The following KCNH5 variants were observed in gnomAD, a reference collection of about 807,000 sequenced individuals.
KCNH5 encodes the protein voltage-gated delayed rectifier potassium channel KCNH5.
KCNH5 carries 46 observed loss-of-function variants against 96.1 expected under a neutral mutation model. That is an observed-to-expected ratio of 0.48 (90% CI 0.38 to 0.61). The LOEUF is 0.61. KCNH5 is among the 20% of genes least tolerant of loss of function. The probability of loss-of-function intolerance (pLI) is 0.00; values close to 1 mark genes in which losing one functional copy is unlikely to be tolerated. For missense variants in KCNH5, 907 were observed against 1,225.8 expected, an observed-to-expected ratio of 0.74 and a Z score of 3.88; for synonymous variants, 439 against 449.8, an observed-to-expected ratio of 0.98 and a Z score of 0.30.
intron 10 of KCNH5, among the ~76,000 whole-genome samples, chr14:62,761,013 C>A (rs1885735190): frequency 6.6e-6 from 1 of 152,054 alleles, no homozygotes; most frequent in Non-Finnish European, 1.5e-5. Flanking sequence ...CCTGAATTCA[C>A]CATAAACACC....
chr14:62,890,698 CAAAAAAAAAA>C (rs1277209731), intron 7 of KCNH5, among the ~76,000 whole-genome samples: 8 of 55,898 alleles, frequency 1.4e-4, no homozygotes, highest in South Asian at 6.9e-4. Flanking sequence ...GACTCCGTCT[CAAAAAAAAAA>C]AAAAAAAAAA....
chr14:62,856,051 T>A (rs1343105315), intron 7 of KCNH5, among the ~76,000 whole-genome samples: 1 of 152,242 alleles, frequency 6.6e-6, no homozygotes, highest in Non-Finnish European at 1.5e-5. Context: ...TTTTATAGTT[T>A]ATAAAAATTC....
chr14:62,714,182 G>A (rs1188685159), intron 10 of KCNH5, among the ~76,000 whole-genome samples: 10 of 151,978 alleles, frequency 6.6e-5, no homozygotes, highest in Admixed American at 4.6e-4. Flanking sequence ...CTAGCTACTT[G>A]GGAGGCTGAG....
At chr14:62,743,627 C>T (rs10047855) in intron 10 of KCNH5, among the ~76,000 whole-genome samples, 55,943 of 151,924 alleles carry the variant, frequency 0.37, 10,388 homozygotes, top group South Asian at 0.53. Flanking sequence ...AGGTAAAGGT[C>T]AGAAATCTGC....
Position 62,770,056 on chromosome 14 carries a change from C to T in KCNH5, c.2019+9672G>A, listed in dbSNP as rs563225174. Reference sequence around the variant, plus strand: ...AGAATTGATGGATTCGTGGAACAAACGGGCTCTACTATTTTGTTTAGCTAA... The same window carrying T: ...AGAATTGATGGATTCGTGGAACAAATGGGCTCTACTATTTTGTTTAGCTAA... On this transcript the variant is annotated intron_variant, in intron 10 of 10. Coordinates refer to ENST00000322893, the MANE Select transcript of KCNH5 (RefSeq NM_139318.5). Among the ~76,000 whole-genome samples the T allele has an allele frequency of 2.0e-5, 3 of 152,214 alleles. No homozygotes were observed. In the South Asian group the frequency reaches 6.2e-4, roughly 32 times the overall value.
intron 10 of KCNH5, among the ~76,000 whole-genome samples, chr14:62,764,686 C>T (rs1030749896): frequency 3.3e-5 from 5 of 152,028 alleles, no homozygotes; most frequent in Admixed American, 6.6e-5. Flanking sequence ...GATACAGAAT[C>T]GATATAAAAA....
chr14:62,935,030 G>C (rs1889652142), intron 7 of KCNH5, among the ~76,000 whole-genome samples: 1 of 152,154 alleles, frequency 6.6e-6, no homozygotes, highest in Admixed American at 6.6e-5. Context: ...GGCCAGTACA[G>C]CCATAGCACA....
At chr14:62,799,126 A>C (rs577335353) in intron 9 of KCNH5, among the ~76,000 whole-genome samples, 2 of 152,170 alleles carry the variant, frequency 1.3e-5, no homozygotes, top group African/African-American at 2.4e-5. Flanking sequence ...GACAACTAAG[A>C]CATAACAATC....
At chr14:62,936,910 G>A (rs1346449935) in intron 7 of KCNH5, among the ~76,000 whole-genome samples, 1 of 150,206 alleles carries the variant, frequency 6.7e-6, no homozygotes, top group Non-Finnish European at 1.5e-5. Context: ...GAACCCAGGA[G>A]GCAGAGGTTG....
At chr14:62,829,894 C>T (rs1184922721) in intron 8 of KCNH5, among the ~76,000 whole-genome samples, 1 of 152,208 alleles carries the variant, frequency 6.6e-6, no homozygotes, top group Admixed American at 6.5e-5. Flanking sequence ...CTCTGCTTCA[C>T]TTTTAAACAT....
chr14:63,018,790 A>G (rs1891374558), intron 1 of KCNH5, among the ~76,000 whole-genome samples: 1 of 152,112 alleles, frequency 6.6e-6, no homozygotes, highest in African/African-American at 2.4e-5. Context: ...AATCTCTACA[A>G]TGTATTGATA....
At chr14:62,782,668 G>A (rs59368763) in intron 9 of KCNH5, among the ~76,000 whole-genome samples, 2,460 of 152,094 alleles carry the variant, frequency 0.016, 69 homozygotes, top group African/African-American at 0.056. Flanking sequence ...AAAATTAGCC[G>A]GGCGTGGTGG....
intron 6 of KCNH5, among the ~76,000 whole-genome samples, chr14:62,960,355 CAT>C (rs934323394): frequency 2.0e-5 from 3 of 152,246 alleles, no homozygotes; most frequent in African/African-American, 7.2e-5. Flanking sequence ...ATGTTTTGCT[CAT>C]TCTTTTATCC....
intron 9 of KCNH5, among the ~76,000 whole-genome samples, chr14:62,781,492 G>A (rs763033836): frequency 1.4e-4 from 22 of 152,288 alleles, no homozygotes; most frequent in African/African-American, 4.1e-4. Flanking sequence ...TGGGAGACTG[G>A]AGTCTATTTC....
intron 9 of KCNH5, among the ~76,000 whole-genome samples, chr14:62,782,292 G>C (rs953607741): frequency 2.6e-5 from 4 of 152,214 alleles, no homozygotes; most frequent in Non-Finnish European, 5.9e-5. Flanking sequence ...TCAAGCTTAA[G>C]AGGCACTTCA....
chr14:62,825,250 A>G (rs1887197916), intron 8 of KCNH5, among the ~76,000 whole-genome samples: 1 of 152,088 alleles, frequency 6.6e-6, no homozygotes, highest in South Asian at 2.1e-4. Flanking sequence ...TACTGTGCAT[A>G]TATGTATATA....
intron 8 of KCNH5, among the ~76,000 whole-genome samples, chr14:62,831,825 G>A (rs1887356214): frequency 6.6e-6 from 1 of 151,972 alleles, no homozygotes; most frequent in Non-Finnish European, 1.5e-5. Flanking sequence ...CCTCCCACCT[G>A]AGCCTCCTGA....
At chr14:63,004,841 A>G (rs956177176) in intron 3 of KCNH5, among the ~76,000 whole-genome samples, 11 of 152,246 alleles carry the variant, frequency 7.2e-5, no homozygotes, top group African/African-American at 2.2e-4. Context: ...TGAGAAACTC[A>G]GGAACTATGG....
At chr14:62,779,561 T>C (rs1463363462) in intron 10 of KCNH5, among the ~76,000 whole-genome samples, 167 bp downstream of exon 10, 2 of 152,170 alleles carry the variant, frequency 1.3e-5, no homozygotes, top group African/African-American at 2.4e-5. Context: ...GTTTTTTTCC[T>C]TAAAAAGTAA....
Sources: gnomAD v4.1 joint callset for allele counts (sites outside exome capture counted in the v4.1 genomes callset) on GRCh38, gnomAD v4.1.1 for gene constraint, MANE v1.5 for transcripts, NCBI Gene and HGNC (gene_info 2026-07-23, HGNC 2026-07-21) for gene names.